Variants in NELFB observed in about 807,000 individuals in gnomAD.
The protein encoded by NELFB is negative elongation factor complex member B.
In NELFB, 34 loss-of-function variants were observed where a neutral mutation model predicts 60.2. That is an observed-to-expected ratio of 0.56 (90% CI 0.43 to 0.75). The LOEUF is 0.75. NELFB is among the 30% of genes least tolerant of loss of function. The pLI is 0.00. For synonymous variants in NELFB, 459 were observed against 382.1 expected (o/e 1.20, Z -2.35); for missense variants, 770 against 831.6 (o/e 0.93, Z 0.91).
intron 4 of NELFB, among the ~76,000 whole-genome samples, chr9:137,257,416 G>A (rs1476708675): frequency 2.0e-5 from 3 of 150,352 alleles, no homozygotes; most frequent in African/African-American, 7.4e-5. Flanking sequence ...GCAAGCTCCC[G>A]GGTTCACTCC....
chr9:137,272,417 C>T lies in NELFB; in HGVS notation c.1632-90C>T, dbSNP rs1483883314. 4.1e-6 allele frequency: 6 copies of T among 1,458,262 alleles called. No individual in the cohort carries two copies. In the African/African-American group the frequency reaches 5.6e-5, roughly 14 times the overall value. 90.3% of individuals were successfully genotyped at this position (1,458,262 alleles called of 1,614,324 possible). A position where few individuals can be genotyped will look rare whatever the true frequency, so the allele number is the denominator to read the frequency against. On this transcript the variant is annotated intron_variant, in intron 11 of 12. Transcript: ENST00000343053. ...GTCCCAAAGGCTGGCCATGTCCTGTCTCCAGGGGCCTTGGCCACCTGCATC... is the reference window on the plus strand; with the variant it reads ...GTCCCAAAGGCTGGCCATGTCCTGTTTCCAGGGGCCTTGGCCACCTGCATC...
At chr9:137,265,449 C>T (rs895358085) in intron 6 of NELFB, among the ~76,000 whole-genome samples, 4 of 122,202 alleles carry the variant, frequency 3.3e-5, no homozygotes, top group East Asian at 2.6e-4. Context: ...AGTGCAGTGA[C>T]GCGATCCTGG....
intron 2 of NELFB, 23 bp downstream of exon 2, chr9:137,256,093 C>G: frequency 6.2e-7 from 1 of 1,605,856 alleles, no homozygotes; most frequent in Non-Finnish European, 8.5e-7. Context: ...GAGGGGTGGG[C>G]AGGTGAGATG....
At chr9:137,271,162 G>A (rs890556496) in intron 10 of NELFB, among the ~76,000 whole-genome samples, 10 of 152,266 alleles carry the variant, frequency 6.6e-5, no homozygotes, top group Non-Finnish European at 1.3e-4. Flanking sequence ...CTTGCTGCTG[G>A]ATCCCCTGGT....
In NELFB at chr9:137,272,074, T is replaced by G. The variant is rs200839691; in HGVS notation, c.1490-7T>G. ...TGGCACTGGGCTGATGCCTGCTGTG[T>G]CTGCAGTGGAGACCTTTGGCGACTT... On this transcript the variant is annotated splice_polypyrimidine_tract_variant and splice_region_variant and intron_variant, in intron 10 of 12. Coordinates refer to ENST00000343053, the MANE Select transcript of NELFB (RefSeq NM_015456.5). 1,228 of 1,614,158 alleles carry G rather than the reference T, an allele frequency of 7.6e-4. No individual in the cohort carries two copies. The highest frequency in any genetic ancestry group is 9.0e-4 in the Non-Finnish European group (1,066 of 1,179,992).
At chr9:137,257,757 C>T (rs1357388332) in intron 4 of NELFB, among the ~76,000 whole-genome samples, 2 of 151,918 alleles carry the variant, frequency 1.3e-5, no homozygotes, top group Non-Finnish European at 2.9e-5. Context: ...CCCCCTCGGC[C>T]TCCCAAAGTG....
intron 8 of NELFB, 131 bp downstream of exon 8, chr9:137,266,557 C>T: frequency 1.3e-6 from 1 of 794,428 alleles, no homozygotes; most frequent in Non-Finnish European, 2.0e-6. Context: ...CCTGGAGCTG[C>T]CCACCTTCCT....
intron 7 of NELFB, 64 bp from the exon 8 acceptor site, chr9:137,266,267 C>A: frequency 1.4e-6 from 2 of 1,419,936 alleles, no homozygotes; most frequent in Non-Finnish European, 2.0e-6. Flanking sequence ...CGAGTAGGGT[C>A]AGAGGAGCTC....
chr9:137,267,877 G>C (rs2118987785), intron 10 of NELFB, among the ~76,000 whole-genome samples: 1 of 152,354 alleles, frequency 6.6e-6, no homozygotes, highest in East Asian at 1.9e-4. Flanking sequence ...ACAAAAAGGT[G>C]ATGTAAGAGC....
Position 137,267,227 on chromosome 9 carries a change from G to C in NELFB, c.1383-13G>C. 1.2e-6 allele frequency: 2 copies of C among 1,609,648 alleles called. No homozygotes were observed. Among genetic ancestry groups the C allele is most frequent in the Non-Finnish European group, 1.7e-6 (2 of 1,177,478 alleles). On this transcript the variant is annotated splice_polypyrimidine_tract_variant and intron_variant, in intron 9 of 12. Transcript: ENST00000343053. ...GTGGGGCTGAGGTGGGGCTGATGGC[G>C]CCCCGGGCGCAGGTTTCTGCAGGAG...
chr9:137,266,548 C>G, intron 8 of NELFB, 122 bp downstream of exon 8: 1 of 832,410 alleles, frequency 1.2e-6, no homozygotes, highest in South Asian at 1.8e-5. Context: ...AGCTTCCTTC[C>G]TGGAGCTGCC....
At position 137,272,133 on chromosome 9, in the gene NELFB, G is replaced by A. The variant is rs758145493; in HGVS notation, c.1542G>A (p.Thr514=). The stretch of plus-strand genomic sequence containing the variant: ...GCGACATCTTCCTCCACCTGCTCAC[G>A]GGCAACCTTGCGCTGCTGGCCGACG... Residue 514 remains threonine (T), a synonymous_variant, in exon 11 of 13, where the codon ACG becomes ACA. Coordinates refer to ENST00000343053, the MANE Select transcript of NELFB (RefSeq NM_015456.5). 8.7e-6 allele frequency: 14 copies of A among 1,614,160 alleles called. No individual in the cohort carries two copies. Among genetic ancestry groups the A allele is most frequent in the Non-Finnish European group, 1.1e-5 (13 of 1,180,022 alleles).
intron 7 of NELFB, 94 bp from the exon 8 acceptor site, chr9:137,266,237 C>T: frequency 8.9e-7 from 1 of 1,123,626 alleles, no homozygotes; most frequent in Non-Finnish European, 1.3e-6. Context: ...GCCATGGGCA[C>T]CAGAGATCCT....
chr9:137,267,087 G>A lies in NELFB; in HGVS notation c.1382+1G>A. ...ACACACTTCCCGAAAGCTTCACTAA[G>A]TACGGGCTGTAGGGCCATGGTGCAG... On this transcript the variant is annotated splice_donor_variant, in intron 9 of 12. Coordinates refer to ENST00000343053, the MANE Select transcript of NELFB (RefSeq NM_015456.5). LOFTEE classifies it high-confidence loss of function. The A allele has an allele frequency of 6.2e-7, 1 of 1,613,964 alleles. No individual in the cohort carries two copies. The highest frequency in any genetic ancestry group is 2.2e-5 in the East Asian group (1 of 44,878).
At chr9:137,256,736 T>G in intron 3 of NELFB, 88 bp from the exon 4 acceptor site, 3 of 1,253,610 alleles carry the variant, frequency 2.4e-6, no homozygotes, top group Non-Finnish European at 3.4e-6. Flanking sequence ...CTCGAGGTGG[T>G]CTCTGCGGGG....
chr9:137,257,180 G>A, intron 4 of NELFB, 126 bp downstream of exon 4: 2 of 794,148 alleles, frequency 2.5e-6, no homozygotes, highest in Non-Finnish European at 4.0e-6. Flanking sequence ...TTCTTGGCTG[G>A]GTGGTGGGGG....
chr9:137,267,787 C>A, intron 10 of NELFB, among the ~76,000 whole-genome samples: 1 of 152,340 alleles, frequency 6.6e-6, no homozygotes, highest in East Asian at 1.9e-4. Context: ...CCACCACTCC[C>A]AGCCTCGTTT....
chr9:137,271,999 G>C (rs1830589203), intron 10 of NELFB, 82 bp from the exon 11 acceptor site: 1 of 1,558,442 alleles, frequency 6.4e-7, no homozygotes, highest in Non-Finnish European at 8.8e-7. Context: ...CCAGAAGTAG[G>C]TTCTGAGGTC....
chr9:137,258,042 C>T (rs142120456), intron 4 of NELFB, among the ~76,000 whole-genome samples: 219 of 144,962 alleles, frequency 1.5e-3, no homozygotes, highest in Non-Finnish European at 2.7e-3. Flanking sequence ...TGGGCTGAAG[C>T]GATCCTCCCA....
Sources: allele counts gnomAD v4.1 joint callset (sites outside exome capture counted in the v4.1 genomes callset), GRCh38; gene constraint gnomAD v4.1.1; transcripts MANE v1.5; gene names NCBI Gene and HGNC (gene_info 2026-07-23, HGNC 2026-07-21).